CDH4: variants seen among roughly 807,000 people sequenced by gnomAD.
CDH4 encodes cadherin-4.
Under a neutral mutation model 86.0 loss-of-function variants are expected in CDH4, and 33 were observed. The ratio of observed to expected loss-of-function variants is 0.38; its 90% CI spans 0.29 to 0.51. The LOEUF (loss-of-function observed/expected upper bound fraction) is 0.51, where lower values mean the gene tolerates loss of function less well. Among genes scored for constraint, CDH4 ranks in the 20% least tolerant of loss-of-function variants. The pLI is 0.86. For missense variants in CDH4, 1,114 were observed against 1,307.4 expected, an observed-to-expected ratio of 0.85 and a Z score of 2.28; for synonymous variants, 555 against 549.4, an observed-to-expected ratio of 1.01 and a Z score of -0.14.
At chr20:61,870,855 G>A (rs1355961727) in intron 6 of CDH4, among the ~76,000 whole-genome samples, 4 of 152,294 alleles carry the variant, frequency 2.6e-5, no homozygotes, top group East Asian at 1.9e-4. Flanking sequence ...TAGTAACACC[G>A]CCCTGGTCAG....
chr20:61,925,228 A>C (rs557036456), intron 11 of CDH4, among the ~76,000 whole-genome samples: 1 of 152,276 alleles, frequency 6.6e-6, no homozygotes, highest in Non-Finnish European at 1.5e-5. Context: ...GCATCTCAAG[A>C]AGCAGCCACC....
intron 2 of CDH4, among the ~76,000 whole-genome samples, chr20:61,468,312 T>A (rs192317697): frequency 4.7e-4 from 72 of 152,294 alleles, no homozygotes; most frequent in African/African-American, 1.5e-3. Flanking sequence ...AGAAATGGCC[T>A]CTCCCAGGGC....
chr20:61,899,921 G>C (rs3787404), intron 8 of CDH4, among the ~76,000 whole-genome samples: 121,773 of 152,162 alleles, frequency 0.8, 51,053 homozygotes, highest in Non-Finnish European at 0.94. Flanking sequence ...GAGGCAGGGT[G>C]TCAGCTGAAC....
intron 2 of CDH4, among the ~76,000 whole-genome samples, chr20:61,266,469 A>G (rs1171602518): frequency 1.3e-5 from 2 of 151,932 alleles, no homozygotes; most frequent in African/African-American, 4.8e-5. Flanking sequence ...GGCCACCCAA[A>G]TGTGAGTTGA....
chr20:61,604,859 A>G (rs1756578221), intron 2 of CDH4, among the ~76,000 whole-genome samples: 1 of 152,200 alleles, frequency 6.6e-6, no homozygotes, highest in East Asian at 1.9e-4. Flanking sequence ...GAAATAGGCC[A>G]GGGACCCTGG....
At chr20:61,338,592 T>C (rs1212268058) in intron 2 of CDH4, among the ~76,000 whole-genome samples, 2 of 152,272 alleles carry the variant, frequency 1.3e-5, no homozygotes, top group South Asian at 2.1e-4. Flanking sequence ...GATTTAACTT[T>C]AATTTGTTCA....
intron 3 of CDH4, among the ~76,000 whole-genome samples, chr20:61,757,303 G>T (rs961645529): frequency 3.3e-5 from 5 of 152,186 alleles, no homozygotes; most frequent in Non-Finnish European, 7.3e-5. Flanking sequence ...AGGTTTCATG[G>T]CCGTCCAATG....
chr20:61,734,843 C>T (rs183275224), intron 2 of CDH4, among the ~76,000 whole-genome samples: 1 of 152,348 alleles, frequency 6.6e-6, no homozygotes, highest in East Asian at 1.9e-4. Context: ...CACAGTCACA[C>T]GAATCAACCT....
chr20:61,855,498 G>A (rs115505622), intron 6 of CDH4, among the ~76,000 whole-genome samples: 8 of 152,248 alleles, frequency 5.3e-5, no homozygotes, highest in East Asian at 1.9e-4. Flanking sequence ...AGGAGTGGGC[G>A]GCAGGCCAGG....
At chr20:61,859,272 G>A (rs148992127) in intron 6 of CDH4, among the ~76,000 whole-genome samples, 353 of 152,164 alleles carry the variant, frequency 2.3e-3, no homozygotes, top group African/African-American at 8.1e-3. Flanking sequence ...TTGAGTTTTC[G>A]GAATTCTTTA....
At chr20:61,325,914 G>T (rs995210539) in intron 2 of CDH4, among the ~76,000 whole-genome samples, 1 of 152,152 alleles carries the variant, frequency 6.6e-6, no homozygotes, top group African/African-American at 2.4e-5. Flanking sequence ...ACCAGAGCCC[G>T]TCTGGTTGGC....
chr20:61,438,687 G>T, intron 2 of CDH4, among the ~76,000 whole-genome samples: 1 of 152,128 alleles, frequency 6.6e-6, no homozygotes, highest in Non-Finnish European at 1.5e-5. Context: ...ATATGAAAAG[G>T]CATATTCTGT....
At chr20:61,390,920 T>G (rs952380093) in intron 2 of CDH4, among the ~76,000 whole-genome samples, 3 of 152,184 alleles carry the variant, frequency 2.0e-5, no homozygotes, top group African/African-American at 7.2e-5. Flanking sequence ...TTTCTCCTTT[T>G]TCTTTGTATT....
At chr20:61,263,167 C>G (rs1159682877) in intron 2 of CDH4, among the ~76,000 whole-genome samples, 1 of 152,094 alleles carries the variant, frequency 6.6e-6, no homozygotes, top group Non-Finnish European at 1.5e-5. Context: ...TTTGCAGGCT[C>G]CTTCAGTCCC....
At chr20:61,924,148 G>C (rs1003908637) in intron 10 of CDH4, among the ~76,000 whole-genome samples, 186 bp from the exon 11 acceptor site, 3 of 152,042 alleles carry the variant, frequency 2.0e-5, no homozygotes, top group Non-Finnish European at 4.4e-5. Context: ...TTGTGGGGCC[G>C]GGGGGGAGGG....
intron 4 of CDH4, among the ~76,000 whole-genome samples, chr20:61,785,122 C>T (rs1444229589): frequency 6.6e-6 from 1 of 152,180 alleles, no homozygotes; most frequent in Non-Finnish European, 1.5e-5. Flanking sequence ...CTCTAGGGCT[C>T]ACCACCTCAG....
chr20:61,268,748 C>G (rs1164314029), intron 2 of CDH4, among the ~76,000 whole-genome samples: 2 of 152,108 alleles, frequency 1.3e-5, no homozygotes, highest in African/African-American at 4.8e-5. Flanking sequence ...ATGGGCTGCC[C>G]TTTGCCTTCT....
chr20:61,607,589 G>T (rs945549521), intron 2 of CDH4, among the ~76,000 whole-genome samples: 1 of 152,220 alleles, frequency 6.6e-6, no homozygotes, highest in African/African-American at 2.4e-5. Context: ...TTTTTAAGGA[G>T]TTTTTCCGAC....
Position 61,544,375 on chromosome 20 carries a change from G to A in CDH4, c.170-199188G>A, listed in dbSNP as rs1006417678. ...CACTCGTGTCCAGGCCGAGAAACCC[G>A]ACGTAGAAATCCAGCTTGCCCAGGA... On this transcript the variant is annotated intron_variant, in intron 2 of 15. Coordinates refer to ENST00000614565, the MANE Select transcript of CDH4 (RefSeq NM_001794.5). The surrounding 1 kb of genome is among the most constrained non-coding windows in gnomAD (Gnocchi z 6.5). Among the ~76,000 whole-genome samples the A allele has an allele frequency of 3.3e-5, 5 of 151,888 alleles. No individual in the cohort carries two copies. Among genetic ancestry groups the A allele is most frequent in the South Asian group, 2.1e-4 (1 of 4,794 alleles).
Sources: allele counts gnomAD v4.1 joint callset (sites outside exome capture counted in the v4.1 genomes callset), GRCh38; gene constraint gnomAD v4.1.1; non-coding constraint Gnocchi (gnomAD v3.1); transcripts MANE v1.5; gene names NCBI Gene and HGNC (gene_info 2026-07-23, HGNC 2026-07-21).